Variants in PLXDC2 observed in about 807,000 individuals in gnomAD.
PLXDC2 encodes plexin domain-containing protein 2.
In PLXDC2, 40 loss-of-function variants were observed where a neutral mutation model predicts 68.9. The observed-to-expected ratio is 0.58, with a 90% CI of 0.45 to 0.76. The LOEUF is 0.76. Ranked by LOEUF, PLXDC2 falls within the 30% of genes least tolerant of loss-of-function variation. PLXDC2 has a pLI of 0.00. For synonymous variants in PLXDC2, 243 were observed against 234.2 expected (o/e 1.04, Z -0.34); for missense variants, 644 against 661.9 (o/e 0.97, Z 0.30).
At chr10:19,933,789 AGAGGGAGGGCAG>A (rs1168715623) in intron 1 of PLXDC2, among the ~76,000 whole-genome samples, 1 of 139,206 alleles carries the variant, frequency 7.2e-6, no homozygotes, top group Admixed American at 7.6e-5. Flanking sequence ...GGAAGCGGGG[AGAGGGAGGGCAG>A]GAGGGAGGGA....
chr10:19,965,598 T>G (rs919693416), intron 1 of PLXDC2, among the ~76,000 whole-genome samples: 1 of 152,056 alleles, frequency 6.6e-6, no homozygotes, highest in Non-Finnish European at 1.5e-5. Flanking sequence ...ATAATAAAGC[T>G]GTGTTTGTGG....
At chr10:19,865,185 C>G (rs139685149) in intron 1 of PLXDC2, among the ~76,000 whole-genome samples, 1 of 152,246 alleles carries the variant, frequency 6.6e-6, no homozygotes, top group Non-Finnish European at 1.5e-5. Flanking sequence ...TTGTGTAAGA[C>G]CACGGATTTT....
intron 1 of PLXDC2, among the ~76,000 whole-genome samples, chr10:19,866,404 G>T (rs1401436960): frequency 6.6e-6 from 1 of 152,086 alleles, no homozygotes; most frequent in African/African-American, 2.4e-5. Flanking sequence ...GCATTTCTCT[G>T]ATCTTTCTTC....
At chr10:20,194,270 G>A (rs1050527083) in intron 9 of PLXDC2, among the ~76,000 whole-genome samples, 1 of 148,774 alleles carries the variant, frequency 6.7e-6, no homozygotes. Flanking sequence ...AATATTAAGG[G>A]TATCATCTTG....
intron 1 of PLXDC2, among the ~76,000 whole-genome samples, chr10:19,864,815 A>C (rs1837383686): frequency 1.3e-5 from 2 of 152,182 alleles, no homozygotes; most frequent in Non-Finnish European, 1.5e-5. Flanking sequence ...CAACTCAGGA[A>C]GGAATTCACG....
intron 1 of PLXDC2, among the ~76,000 whole-genome samples, chr10:19,857,503 C>G (rs1001475815): frequency 5.9e-5 from 9 of 152,154 alleles, no homozygotes; most frequent in Non-Finnish European, 1.2e-4. Context: ...AAATATTCTT[C>G]TCATCAATTT....
At chr10:19,987,157 G>A (rs549885464) in intron 1 of PLXDC2, among the ~76,000 whole-genome samples, 8 of 152,162 alleles carry the variant, frequency 5.3e-5, no homozygotes, top group Non-Finnish European at 8.8e-5. Flanking sequence ...CATTTGGCTG[G>A]AGAGCCTAGA....
intron 13 of PLXDC2, among the ~76,000 whole-genome samples, chr10:20,261,876 A>G (rs1327186523): frequency 1.3e-5 from 2 of 152,074 alleles, no homozygotes; most frequent in Non-Finnish European, 2.9e-5. Flanking sequence ...ATAATAATAG[A>G]GCAAAGAATA....
intron 1 of PLXDC2, among the ~76,000 whole-genome samples, chr10:19,823,343 G>C (rs893750907): frequency 6.6e-6 from 1 of 151,966 alleles, no homozygotes; most frequent in African/African-American, 2.4e-5. Flanking sequence ...GAATTAAACT[G>C]TTTTAGGCCT....
chr10:19,897,133 C>T (rs1044030539), intron 1 of PLXDC2, among the ~76,000 whole-genome samples: 62 of 152,120 alleles, frequency 4.1e-4, no homozygotes, highest in African/African-American at 1.2e-3. Flanking sequence ...TGTGAGTACA[C>T]GACTCATCTT....
chr10:19,888,508 G>T (rs1286176743), intron 1 of PLXDC2, among the ~76,000 whole-genome samples: 1 of 152,088 alleles, frequency 6.6e-6, no homozygotes, highest in Non-Finnish European at 1.5e-5. Flanking sequence ...GGCCTGAGGA[G>T]TTGGGAAGAA....
At chr10:20,242,136 T>C (rs895256966) in intron 12 of PLXDC2, among the ~76,000 whole-genome samples, 11 of 152,172 alleles carry the variant, frequency 7.2e-5, no homozygotes, top group Non-Finnish European at 1.5e-4. Context: ...CAATTAATCC[T>C]ATTTTCCCAG....
chr10:20,155,489 A>G (rs1487957296), intron 6 of PLXDC2, among the ~76,000 whole-genome samples: 1 of 152,210 alleles, frequency 6.6e-6, no homozygotes, highest in Non-Finnish European at 1.5e-5. Flanking sequence ...GTACATATAT[A>G]TCTAATACAA....
chr10:19,890,835 T>A (rs1206932409), intron 1 of PLXDC2, among the ~76,000 whole-genome samples: 2 of 152,094 alleles, frequency 1.3e-5, no homozygotes, highest in Non-Finnish European at 2.9e-5. Flanking sequence ...CATCTGTATA[T>A]AACTAATGTA....
chr10:19,867,223 G>T (rs546833901), intron 1 of PLXDC2, among the ~76,000 whole-genome samples: 1 of 151,872 alleles, frequency 6.6e-6, no homozygotes. Flanking sequence ...CCACCACCAC[G>T]CCCAGCTAAT....
intron 4 of PLXDC2, among the ~76,000 whole-genome samples, chr10:20,119,817 G>T (rs998151767): frequency 6.6e-6 from 1 of 151,948 alleles, no homozygotes; most frequent in Non-Finnish European, 1.5e-5. Flanking sequence ...ATTGTTAGAA[G>T]AAACATTTGT....
At chr10:19,903,160 G>C (rs1838186358) in intron 1 of PLXDC2, among the ~76,000 whole-genome samples, 1 of 152,026 alleles carries the variant, frequency 6.6e-6, no homozygotes, top group Non-Finnish European at 1.5e-5. Context: ...TCCTTTTCTG[G>C]TTTTGGTATT....
intron 2 of PLXDC2, among the ~76,000 whole-genome samples, chr10:20,002,498 A>C (rs982839358): frequency 6.6e-6 from 1 of 152,092 alleles, no homozygotes; most frequent in African/African-American, 2.4e-5. Flanking sequence ...ACCTTAAGTG[A>C]TCCACCCACG....
chr10:19,882,279 A>G (rs560747168), intron 1 of PLXDC2, among the ~76,000 whole-genome samples: 5 of 152,222 alleles, frequency 3.3e-5, no homozygotes, highest in Non-Finnish European at 5.9e-5. Context: ...ATAAACATCA[A>G]TGCATTATTA....
Sources: gnomAD v4.1 joint callset for allele counts (sites outside exome capture counted in the v4.1 genomes callset) on GRCh38, gnomAD v4.1.1 for gene constraint, MANE v1.5 for transcripts, NCBI Gene and HGNC (gene_info 2026-07-23, HGNC 2026-07-21) for gene names.